The following ETAA1 variants were observed in gnomAD, a reference collection of about 807,000 sequenced individuals.
ETAA1 encodes ETAA1 activator of ATR kinase.
ETAA1 carries 49 observed loss-of-function variants against 76.8 expected under a neutral mutation model. The observed-to-expected ratio is 0.64, with a 90% CI of 0.51 to 0.81. ETAA1 has a LOEUF of 0.81. Ranked by LOEUF, ETAA1 falls within the 30% of genes least tolerant of loss-of-function variation. The probability of loss-of-function intolerance (pLI) is 0.00; values close to 1 mark genes in which losing one functional copy is unlikely to be tolerated. For synonymous variants in ETAA1, 373 were observed against 372.2 expected (o/e 1.00, Z -0.03); for missense variants, 1,099 against 1,074.0 (o/e 1.02, Z -0.32).
intron 1 of ETAA1, 71 bp downstream of exon 1, chr2:67,397,742 A>G: frequency 7.0e-7 from 1 of 1,435,932 alleles, no homozygotes; most frequent in East Asian, 2.5e-5. Context: ...GCAACAGGGA[A>G]ATCTGGGGTG....
rs1380062497 is a variant in ETAA1 at position 67,403,766 on chromosome 2, A to G, written c.1084A>G (p.Lys362Glu). 4 of 1,613,350 alleles carry G rather than the reference A, an allele frequency of 2.5e-6. No individual in the cohort carries two copies. The highest frequency in any genetic ancestry group is 4.5e-5 in the East Asian group (2 of 44,854). The change falls in exon 5 of 6, where the codon AAG (lysine) becomes GAG (glutamate). Residue 362 changes from lysine to glutamate, a missense_variant. Coordinates refer to ENST00000272342, the MANE Select transcript of ETAA1 (RefSeq NM_019002.4). ...MTKSCVTSCT[K>E]EPETSNKYID... ...AAAATCATGTGTGACTTCCTGTACT[A>G]AGGAGCCAGAAACTTCTAATAAGTA...
Position 67,404,056 on chromosome 2 carries a change from T to C in ETAA1, c.1374T>C (p.Asp458=). 1.2e-6 allele frequency: 2 copies of C among 1,604,834 alleles called. No individual in the cohort carries two copies. Among genetic ancestry groups the C allele is most frequent in the East Asian group, 2.2e-5 (1 of 44,740 alleles). Residue 458 remains aspartate, a synonymous_variant, in exon 5 of 6, where the codon GAT becomes GAC. Coordinates refer to ENST00000272342, the MANE Select transcript of ETAA1 (RefSeq NM_019002.4). ...SSKTYDRELI[D]AEYRFSPNSN... ...AGACATATGACAGAGAATTAATAGA[T>C]GCAGAATATAGATTTTCACCAAATT...
rs1234376786 is a variant in ETAA1, at chr2:67,404,380, T to C, written c.1698T>C (p.Asn566=). The change falls in exon 5 of 6, where the codon AAT becomes AAC. Residue 566 remains asparagine (N), a synonymous_variant. Coordinates refer to ENST00000272342, the MANE Select transcript of ETAA1 (RefSeq NM_019002.4). ...LGSKTSVSNP[N]QTSASKVGSF... ...GTAAAACCAGTGTTAGTAACCCAAA[T>C]CAGACTAGTGCATCAAAAGTAGGTT... The C allele has an allele frequency of 1.2e-6, 2 of 1,613,298 alleles. No homozygotes were observed. Among genetic ancestry groups the C allele is most frequent in the East Asian group, 2.2e-5 (1 of 44,812 alleles).
At position 67,411,102 on chromosome 2, in the gene ETAA1, T is replaced by C. The variant is rs1035339987; in HGVS notation, c.*1064T>C. The C allele has an allele frequency of 2.6e-5, 4 of 151,970 alleles. No homozygotes were observed. The highest frequency in any genetic ancestry group is 2.0e-4 in the Admixed American group (3 of 15,234). 9.4% of individuals were successfully genotyped at this position (151,970 alleles called of 1,614,324 possible). A position where few individuals can be genotyped will look rare whatever the true frequency, so the allele number is the denominator to read the frequency against. ...AGTTGACTCATCTTTTCTTCTCTAT[T>C]ACTGTTTTGTTTTTTTCTTTTTTTG... is the stretch of plus-strand genomic sequence containing the variant. On this transcript the variant is annotated 3_prime_UTR_variant, in exon 6 of 6. Transcript: ENST00000272342.
chr2:67,406,872 T>C (rs1676235233), intron 5 of ETAA1, among the ~76,000 whole-genome samples: 1 of 152,140 alleles, frequency 6.6e-6, no homozygotes, highest in Non-Finnish European at 1.5e-5. Context: ...TTTAGTCCTG[T>C]TAATGACTAT....
At chr2:67,407,162 A>G (rs142763440) in intron 5 of ETAA1, among the ~76,000 whole-genome samples, 37 of 151,884 alleles carry the variant, frequency 2.4e-4, no homozygotes, top group African/African-American at 8.2e-4. Flanking sequence ...AGGGTGTCCA[A>G]TCTTTTGGCT....
chr2:67,411,875 C>G lies in ETAA1; in HGVS notation c.*1837C>G, dbSNP rs1676381445. On this transcript the variant is annotated 3_prime_UTR_variant, in exon 6 of 6. Coordinates refer to ENST00000272342, the MANE Select transcript of ETAA1 (RefSeq NM_019002.4). The stretch of plus-strand genomic sequence containing the variant: ...TGTGTTCTGACTATGCTTTGGATAT[C>G]TCTGTCCTTGCTTAAGCTCCTCCCT... The G allele has an allele frequency of 2.0e-5, 3 of 151,978 alleles. No homozygotes were observed. The highest frequency in any genetic ancestry group is 7.2e-5 in the African/African-American group (3 of 41,406). The allele number at this position is 151,978 out of a possible 1,614,324, so 9.4% of individuals were successfully genotyped here.
intron 1 of ETAA1, 145 bp downstream of exon 1, chr2:67,397,816 C>G: frequency 2.5e-6 from 2 of 799,456 alleles, no homozygotes; most frequent in African/African-American, 3.4e-5. Flanking sequence ...CAAAAATAAT[C>G]CTATACCACT....
chr2:67,399,075 A>G (rs1675983171), intron 1 of ETAA1, 94 bp from the exon 2 acceptor site: 1 of 1,118,970 alleles, frequency 8.9e-7, no homozygotes, highest in African/African-American at 1.6e-5. Flanking sequence ...CTTGGACTAT[A>G]AAAGTTAGTC....
rs1675899952 is a variant in ETAA1, at chr2:67,397,369, C to T, written c.-80C>T. 1.4e-5 allele frequency: 20 copies of T among 1,406,504 alleles called. No individual in the cohort carries two copies. The highest frequency in any genetic ancestry group is 2.5e-5 in the East Asian group (1 of 40,162). 87.1% of individuals were successfully genotyped at this position (1,406,504 alleles called of 1,614,324 possible). Reference sequence around the variant, plus strand: ...TGGCGGCTGCCGTTGGTGCGGGGTGCGGTTTGTAGTGCTGTTGCCCTACTC... The same window carrying T: ...TGGCGGCTGCCGTTGGTGCGGGGTGTGGTTTGTAGTGCTGTTGCCCTACTC... On this transcript the variant is annotated 5_prime_UTR_variant, in exon 1 of 6. Transcript: ENST00000272342.
intron 1 of ETAA1, 85 bp downstream of exon 1, chr2:67,397,756 G>A: frequency 2.3e-6 from 3 of 1,330,678 alleles, no homozygotes; most frequent in East Asian, 2.5e-5. Flanking sequence ...TGGGGTGGGG[G>A]TGGAGTCTGG....
rs1281013366 is a variant in ETAA1, at chr2:67,410,838, C to G, written c.*800C>G. ...CTACAATTAGAATGATTTATTTGGA[C>G]ACCTAAACAATTATACTATTTGTTT... On this transcript the variant is annotated 3_prime_UTR_variant, in exon 6 of 6. Transcript: ENST00000272342. 2.0e-5 allele frequency: 3 copies of G among 151,988 alleles called. No individual in the cohort carries two copies. Among genetic ancestry groups the G allele is most frequent in the Non-Finnish European group, 4.4e-5 (3 of 67,954 alleles). 9.4% of individuals were successfully genotyped at this position (151,988 alleles called of 1,614,324 possible). A position where few individuals can be genotyped will look rare whatever the true frequency, so the allele number is the denominator to read the frequency against.
rs1676096985 is a variant in ETAA1, at chr2:67,402,961, A to G, written c.529A>G (p.Ile177Val). 1.2e-6 allele frequency: 2 copies of G among 1,604,430 alleles called. No individual in the cohort carries two copies. The highest frequency in any genetic ancestry group is 1.1e-5 in the South Asian group (1 of 89,686). The change falls in exon 4 of 6, where the codon ATC becomes GTC. Residue 177 changes from isoleucine to valine, a missense_variant. Coordinates refer to ENST00000272342, the MANE Select transcript of ETAA1 (RefSeq NM_019002.4). ...AGCAAAAGGAAAATCAAGAGCAAAA[A>G]TCAGCTGCACAAAGTAAGTTAAGAC... ...SVAKGKSRAK[I>V]SCTKLKTQSQ... is the part of the protein sequence containing the mutation.
chr2:67,404,034 CAT>C lies in ETAA1; in HGVS notation c.1355_1356del (p.Tyr452Ter). ...GTATTACAAGATCTTTCTTCAAAGA[CAT>C]ATGACAGAGAATTAATAGATGCAGA... On this transcript the variant is annotated frameshift_variant, in exon 5 of 6. Coordinates refer to ENST00000272342, the MANE Select transcript of ETAA1 (RefSeq NM_019002.4). LOFTEE classifies it high-confidence loss of function. 1.2e-6 allele frequency: 2 copies of C among 1,607,516 alleles called. No homozygotes were observed. Among genetic ancestry groups the C allele is most frequent in the Non-Finnish European group, 1.7e-6 (2 of 1,177,230 alleles).
At chr2:67,409,260 GC>G (rs1041343163) in intron 5 of ETAA1, among the ~76,000 whole-genome samples, 41 of 151,964 alleles carry the variant, frequency 2.7e-4, no homozygotes, top group African/African-American at 9.9e-4. Context: ...CTAATACAAA[GC>G]CTCAACTTAC....
At chr2:67,397,728 G>T in intron 1 of ETAA1, 57 bp downstream of exon 1, 1 of 1,498,734 alleles carries the variant, frequency 6.7e-7, no homozygotes, top group Non-Finnish European at 9.0e-7. Flanking sequence ...CCACATCCCA[G>T]CTTGCAACAG....
chr2:67,406,178 G>A (rs1051587229), intron 5 of ETAA1, among the ~76,000 whole-genome samples: 4 of 152,170 alleles, frequency 2.6e-5, no homozygotes, highest in South Asian at 2.1e-4. Context: ...TTTAACCTGC[G>A]TCTCCTCTTT....
In ETAA1 at chr2:67,410,040, G is replaced by GAAAT; in HGVS notation, c.*4_*7dup. On this transcript the variant is annotated 3_prime_UTR_variant, in exon 6 of 6. Coordinates refer to ENST00000272342, the MANE Select transcript of ETAA1 (RefSeq NM_019002.4). The stretch of plus-strand genomic sequence containing the variant: ...GCAGCTCCCACTTCATTTCTTTAAT[G>GAAAT]AAATATTAGTTGGAAGACTTCACGA... 6.3e-7 allele frequency: 1 copy of GAAAT among 1,599,630 alleles called. No individual in the cohort carries two copies. The highest frequency in any genetic ancestry group is 8.5e-7 in the Non-Finnish European group (1 of 1,175,742).
intron 5 of ETAA1, 79 bp from the exon 6 acceptor site, chr2:67,409,832 A>G: frequency 2.1e-6 from 3 of 1,429,542 alleles, no homozygotes; most frequent in Non-Finnish European, 2.8e-6. Flanking sequence ...TGGGTGATTA[A>G]AAAAAGCAAA....
Sources: gnomAD v4.1 joint callset for allele counts (sites outside exome capture counted in the v4.1 genomes callset) on GRCh38, gnomAD v4.1.1 for gene constraint, MANE v1.5 for transcripts, NCBI Gene and HGNC (gene_info 2026-07-23, HGNC 2026-07-21) for gene names.